UHRF2: variants seen among roughly 807,000 people sequenced by gnomAD.
UHRF2 encodes the protein E3 ubiquitin-protein ligase UHRF2.
In UHRF2, 23 loss-of-function variants were observed where a neutral mutation model predicts 96.8. The observed-to-expected ratio is 0.24, with a 90% confidence interval of 0.17 to 0.34. The LOEUF (loss-of-function observed/expected upper bound fraction) is 0.34, where lower values mean the gene tolerates loss of function less well. Ranked by LOEUF, UHRF2 falls within the 10% of genes least tolerant of loss-of-function variation. The pLI is 1.00. For missense variants in UHRF2, 685 were observed against 981.5 expected (o/e 0.70, Z 4.04); for synonymous variants, 385 against 332.6 (o/e 1.16, Z -1.72).
At chr9:6,462,028 C>T (rs947012434) in intron 4 of UHRF2, among the ~76,000 whole-genome samples, 2 of 150,978 alleles carry the variant, frequency 1.3e-5, no homozygotes, top group East Asian at 1.9e-4. Context: ...AACAGCTAAA[C>T]GAATATTTGT....
At chr9:6,443,303 C>G (rs528699715) in intron 3 of UHRF2, among the ~76,000 whole-genome samples, 21 of 152,102 alleles carry the variant, frequency 1.4e-4, no homozygotes, top group Middle Eastern at 3.2e-3. Flanking sequence ...AGATACTTTA[C>G]CTGGATTATC....
intron 2 of UHRF2, among the ~76,000 whole-genome samples, chr9:6,433,434 T>C (rs1722751992): frequency 1.3e-5 from 2 of 152,244 alleles, no homozygotes; most frequent in Non-Finnish European, 2.9e-5. Context: ...CTTTTTTTTA[T>C]TGTGCATAAT....
At chr9:6,446,540 G>A (rs1821516783) in intron 3 of UHRF2, among the ~76,000 whole-genome samples, 2 of 151,810 alleles carry the variant, frequency 1.3e-5, no homozygotes, top group African/African-American at 4.8e-5. Flanking sequence ...CTCAGCCCCG[G>A]TCTACATACT....
At chr9:6,453,834 G>T (rs1418098753) in intron 3 of UHRF2, among the ~76,000 whole-genome samples, 1 of 152,110 alleles carries the variant, frequency 6.6e-6, no homozygotes, top group Non-Finnish European at 1.5e-5. Context: ...GGACCCAGGA[G>T]GCGGAGGTTA....
At chr9:6,469,778 ATATATATG>A (rs1823128024) in intron 4 of UHRF2, among the ~76,000 whole-genome samples, 1 of 150,188 alleles carries the variant, frequency 6.7e-6, no homozygotes, top group African/African-American at 2.4e-5. Context: ...ATATGTGTGT[ATATATATG>A]TATATATGTG....
intron 3 of UHRF2, among the ~76,000 whole-genome samples, chr9:6,446,891 G>A (rs1376369002): frequency 6.6e-6 from 1 of 151,316 alleles, no homozygotes; most frequent in Non-Finnish European, 1.5e-5. Flanking sequence ...TTTATTTTTG[G>A]CATACTTTTT....
intron 10 of UHRF2, chr9:6,496,868 C>G (rs1825006053): frequency 5.4e-6 from 1 of 186,244 alleles, no homozygotes; most frequent in African/African-American, 2.3e-5. Context: ...TTCCAACGTT[C>G]TCCCTTCCCC....
chr9:6,479,021 T>G (rs1248194785), intron 6 of UHRF2, among the ~76,000 whole-genome samples: 1 of 152,200 alleles, frequency 6.6e-6, no homozygotes, highest in African/African-American at 2.4e-5. Flanking sequence ...GAAACTTCAC[T>G]TCTTCAGTTA....
intron 2 of UHRF2, among the ~76,000 whole-genome samples, chr9:6,429,575 C>T (rs957138512): frequency 3.9e-5 from 6 of 152,192 alleles, no homozygotes; most frequent in Non-Finnish European, 7.3e-5. Flanking sequence ...AGGTGCTCCA[C>T]CTGCCTCGGC....
At chr9:6,415,901 C>T (rs1194547833) in intron 1 of UHRF2, among the ~76,000 whole-genome samples, 1 of 152,174 alleles carries the variant, frequency 6.6e-6, no homozygotes, top group Non-Finnish European at 1.5e-5. Context: ...AAAGTATGGT[C>T]CCTGGATTCT....
rs1041235772 is a variant in UHRF2, at chr9:6,496,181, A to G, written c.1605-1017A>G. ...TTTTTTTAACTTGAGCCTGCATAAAAAGAATTAAACCCTGAAGAAGTATTT... is the reference window on the plus strand; with the variant it reads ...TTTTTTTAACTTGAGCCTGCATAAAGAGAATTAAACCCTGAAGAAGTATTT... On this transcript the variant is annotated intron_variant, in intron 10 of 15. Coordinates refer to ENST00000276893, the MANE Select transcript of UHRF2 (RefSeq NM_152896.3). The G allele has an allele frequency of 5.3e-5, 8 of 152,284 alleles. No homozygotes were observed. In the East Asian group the frequency reaches 1.5e-3, roughly 29 times the overall value. 9.4% of individuals were successfully genotyped at this position (152,284 alleles called of 1,614,324 possible).
intron 4 of UHRF2, among the ~76,000 whole-genome samples, chr9:6,466,266 G>A (rs1822850055): frequency 6.6e-6 from 1 of 152,220 alleles, no homozygotes; most frequent in Middle Eastern, 3.4e-3. Flanking sequence ...GGCCAGGTGT[G>A]GTGGCTCACG....
intron 4 of UHRF2, chr9:6,468,879 T>C (rs1253332696): frequency 2.8e-6 from 1 of 356,262 alleles, no homozygotes; most frequent in Admixed American, 3.8e-5. Flanking sequence ...TCAGCATAGA[T>C]GCTGATTAAA....
intron 15 of UHRF2, 29 bp downstream of exon 15, chr9:6,504,720 T>G (rs1816493036): frequency 6.4e-7 from 1 of 1,561,016 alleles, no homozygotes; most frequent in Non-Finnish European, 8.8e-7. Flanking sequence ...TCACTTTCCC[T>G]GTTAGGTATG....
At chr9:6,456,153 T>A (rs1053261049) in intron 3 of UHRF2, among the ~76,000 whole-genome samples, 1 of 152,228 alleles carries the variant, frequency 6.6e-6, no homozygotes, top group South Asian at 2.1e-4. Flanking sequence ...TTTTTCTTTT[T>A]AGAATGTTTC....
chr9:6,445,982 T>TTTG (rs1563762299), intron 3 of UHRF2, among the ~76,000 whole-genome samples: 8 of 35,430 alleles, frequency 2.3e-4, no homozygotes, highest in South Asian at 1.1e-3. Context: ...CCCGCCACCC[T>TTTG]TTTTTTTTTT....
chr9:6,445,998 T>TTTTTTTTC lies in UHRF2; in HGVS notation c.644+11827_644+11828insTTTTTCTT, dbSNP rs772184475. On this transcript the variant is annotated intron_variant, in intron 3 of 15. Transcript: ENST00000276893. ...CCGCCACCCTTTTTTTTTTTTTTTTTTTCCTGTTTTTGAGATAGAGTCTCA... is the reference window on the plus strand; with the variant it reads ...CCGCCACCCTTTTTTTTTTTTTTTTTTTTTTTTCTTCCTGTTTTTGAGATAGAGTCTCA... 1.2e-3 allele frequency among the ~76,000 whole-genome samples: 150 copies of TTTTTTTTC among 129,944 alleles called. 3 individuals carry two copies. Among genetic ancestry groups the TTTTTTTTC allele is most frequent in the East Asian group, 0.011 (44 of 3,860 alleles). 85.2% of individuals were successfully genotyped at this position (129,944 alleles called of 152,430 possible). A position where few individuals can be genotyped will look rare whatever the true frequency, so the allele number is the denominator to read the frequency against.
intron 14 of UHRF2, among the ~76,000 whole-genome samples, chr9:6,501,693 T>A (rs1020580675): frequency 2.6e-5 from 4 of 152,242 alleles, no homozygotes; most frequent in Non-Finnish European, 4.4e-5. Flanking sequence ...GGAAAGTGAT[T>A]ACACTTTGAG....
intron 14 of UHRF2, 163 bp from the exon 15 acceptor site, chr9:6,504,427 TATA>T (rs1203164293): frequency 2.9e-5 from 15 of 517,094 alleles, no homozygotes; most frequent in African/African-American, 1.8e-4. Context: ...TCATATAACA[TATA>T]ATAAATCAGG....
Sources: allele counts gnomAD v4.1 joint callset (sites outside exome capture counted in the v4.1 genomes callset), GRCh38; gene constraint gnomAD v4.1.1; transcripts MANE v1.5; gene names NCBI Gene and HGNC (gene_info 2026-07-23, HGNC 2026-07-21).